The following GALNT13 variants were observed in gnomAD, a reference collection of about 807,000 sequenced individuals.
GALNT13 encodes polypeptide N-acetylgalactosaminyltransferase 13.
GALNT13 carries 28 observed loss-of-function variants against 64.2 expected under a neutral mutation model. The ratio of observed to expected loss-of-function variants is 0.44; its 90% confidence interval spans 0.32 to 0.60. The LOEUF (loss-of-function observed/expected upper bound fraction) is 0.60, where lower values mean the gene tolerates loss of function less well. Ranked by LOEUF, GALNT13 falls within the 20% of genes least tolerant of loss-of-function variation. The pLI, the probability that GALNT13 is intolerant of heterozygous loss-of-function variation, is 0.05. For missense variants in GALNT13, 577 were observed against 669.8 expected (o/e 0.86, Z 1.53); for synonymous variants, 214 against 224.6 (o/e 0.95, Z 0.42).
At chr2:154,150,252 C>G (rs559188151) in intron 4 of GALNT13, among the ~76,000 whole-genome samples, 78 of 152,216 alleles carry the variant, frequency 5.1e-4, no homozygotes, top group African/African-American at 1.8e-3. Context: ...GTATATTGAA[C>G]CAGCCTTGCA....
At chr2:153,717,362 G>T in the GALNT13 span, among the ~76,000 whole-genome samples, 1 of 152,124 alleles carries the variant, frequency 6.6e-6, no homozygotes, top group Non-Finnish European at 1.5e-5. Context: ...TTCTGCTACT[G>T]CTGTGGCATT....
chr2:153,315,501 A>G, the GALNT13 span, among the ~76,000 whole-genome samples: 17 of 152,268 alleles, frequency 1.1e-4, no homozygotes, highest in African/African-American at 3.9e-4. Flanking sequence ...GCACAGTCCT[A>G]AATAAGAATG....
At chr2:154,244,377 G>A (rs989980763) in intron 6 of GALNT13, among the ~76,000 whole-genome samples, 4 of 152,182 alleles carry the variant, frequency 2.6e-5, no homozygotes, top group Non-Finnish European at 5.9e-5. Flanking sequence ...GGGGTCCAGA[G>A]TCACCAAGAA....
chr2:153,081,920 A>G, the GALNT13 span, among the ~76,000 whole-genome samples: 1 of 152,046 alleles, frequency 6.6e-6, no homozygotes, highest in Non-Finnish European at 1.5e-5. Context: ...TGGTAGCTCA[A>G]TTTTTAGTTT....
At chr2:153,671,850 G>A in the GALNT13 span, among the ~76,000 whole-genome samples, 1 of 152,124 alleles carries the variant, frequency 6.6e-6, no homozygotes, top group Non-Finnish European at 1.5e-5. Flanking sequence ...TAAAGGGATG[G>A]AGGAAGAGCT....
the GALNT13 span, among the ~76,000 whole-genome samples, chr2:153,611,561 G>A: frequency 1.7e-4 from 25 of 151,498 alleles, no homozygotes; most frequent in Non-Finnish European, 1.3e-4. Context: ...GGGTTTCACC[G>A]TGTTGGCCAG....
At chr2:153,558,666 A>G in the GALNT13 span, among the ~76,000 whole-genome samples, 2 of 152,044 alleles carry the variant, frequency 1.3e-5, no homozygotes, top group South Asian at 4.2e-4. Flanking sequence ...GCTTTCATTC[A>G]CATAATGACC....
chr2:153,513,085 G>C, the GALNT13 span, among the ~76,000 whole-genome samples: 1 of 152,264 alleles, frequency 6.6e-6, no homozygotes, highest in South Asian at 2.1e-4. Context: ...AACCCATAGC[G>C]TAAAATAAAT....
At chr2:153,249,163 A>G in the GALNT13 span, among the ~76,000 whole-genome samples, 6 of 152,360 alleles carry the variant, frequency 3.9e-5, no homozygotes, top group South Asian at 1.2e-3. Flanking sequence ...TCTTAACCTG[A>G]TAAGCAACAT....
chr2:154,140,931 A>G (rs748540076), intron 4 of GALNT13, among the ~76,000 whole-genome samples: 9 of 152,156 alleles, frequency 5.9e-5, no homozygotes, highest in East Asian at 1.9e-4. Flanking sequence ...ACACAAACCT[A>G]TATGGTATAG....
the GALNT13 span, among the ~76,000 whole-genome samples, chr2:153,500,495 C>T: frequency 6.6e-6 from 1 of 152,162 alleles, no homozygotes; most frequent in Non-Finnish European, 1.5e-5. Flanking sequence ...CCACATTTAA[C>T]CCCATCACCT....
chr2:153,970,252 A>G (rs539830112), intron 3 of GALNT13, among the ~76,000 whole-genome samples: 1 of 152,328 alleles, frequency 6.6e-6, no homozygotes, highest in South Asian at 2.1e-4. Flanking sequence ...TATTGTTTCC[A>G]TATTGCTAAG....
At chr2:153,911,537 G>A (rs1029437920) in intron 2 of GALNT13, among the ~76,000 whole-genome samples, 16 of 152,056 alleles carry the variant, frequency 1.1e-4, no homozygotes, top group Admixed American at 6.6e-4. Context: ...TTTCTGTAGC[G>A]GCTGGTAACA....
intron 3 of GALNT13, among the ~76,000 whole-genome samples, chr2:154,034,638 T>C (rs865991342): frequency 6.6e-6 from 1 of 152,220 alleles, no homozygotes; most frequent in Non-Finnish European, 1.5e-5. Context: ...ACACTCTGTG[T>C]CCATTTATTA....
chr2:154,025,344 A>G (rs752681048), intron 3 of GALNT13, among the ~76,000 whole-genome samples: 127 of 152,328 alleles, frequency 8.3e-4, no homozygotes, highest in Non-Finnish European at 1.3e-3. Flanking sequence ...CAAAAAATAA[A>G]TAAAGTTTAC....
the GALNT13 span, among the ~76,000 whole-genome samples, chr2:153,422,939 A>T: frequency 6.6e-6 from 1 of 151,988 alleles, no homozygotes; most frequent in Non-Finnish European, 1.5e-5. Context: ...TTCAATAAAC[A>T]AGGGTTTGAT....
chr2:153,977,660 C>G (rs544347352), intron 3 of GALNT13, among the ~76,000 whole-genome samples: 1 of 151,930 alleles, frequency 6.6e-6, no homozygotes, highest in Non-Finnish European at 1.5e-5. Flanking sequence ...AAGTGTAGTT[C>G]TCAAACCAGC....
chr2:153,281,984 T>C, the GALNT13 span, among the ~76,000 whole-genome samples: 1 of 152,124 alleles, frequency 6.6e-6, no homozygotes, highest in Non-Finnish European at 1.5e-5. Flanking sequence ...GATTTATTCC[T>C]TCAAATGTGT....
chr2:154,346,481 T>C (rs1326533350), intron 9 of GALNT13, among the ~76,000 whole-genome samples: 1 of 152,000 alleles, frequency 6.6e-6, no homozygotes, highest in Admixed American at 6.6e-5. Context: ...ATCGTGGGCG[T>C]GGTTTCCCCA....
Sources: allele counts gnomAD v4.1 joint callset (sites outside exome capture counted in the v4.1 genomes callset), GRCh38; gene constraint gnomAD v4.1.1; transcripts MANE v1.5; gene names NCBI Gene and HGNC (gene_info 2026-07-23, HGNC 2026-07-21).